GRM4: variants seen among roughly 807,000 people sequenced by gnomAD.
GRM4 encodes metabotropic glutamate receptor 4.
A neutral mutation model predicts 81.7 loss-of-function variants in GRM4; 28 were observed. The ratio of observed to expected loss-of-function variants is 0.34; its 90% CI spans 0.25 to 0.47. The LOEUF is 0.47. GRM4 is among the 20% of genes least tolerant of loss of function. The pLI is 1.00. For missense variants in GRM4, 948 were observed against 1,290.0 expected, an observed-to-expected ratio of 0.73 and a Z score of 4.06; for synonymous variants, 488 against 528.8, an observed-to-expected ratio of 0.92 and a Z score of 1.06.
intron 6 of GRM4, among the ~76,000 whole-genome samples, chr6:34,045,879 C>T (rs1562022866): frequency 6.6e-6 from 1 of 152,186 alleles, no homozygotes; most frequent in Non-Finnish European, 1.5e-5. Context: ...CTAATTGTGT[C>T]CCGGGGCACA....
At chr6:34,026,116 C>T (rs1229307320) in intron 10 of GRM4, among the ~76,000 whole-genome samples, 1 of 152,098 alleles carries the variant, frequency 6.6e-6, no homozygotes, top group Admixed American at 6.5e-5. Context: ...CACCCCTTGT[C>T]TCCGCACCCA....
rs918587558 is a variant in GRM4, at chr6:34,070,403, G to C, written c.737-8375C>G. Among the ~76,000 whole-genome samples, 1 of 152,102 alleles carries C rather than the reference G, an allele frequency of 6.6e-6. No individual in the cohort carries two copies. Among genetic ancestry groups the C allele is most frequent in the Non-Finnish European group, 1.5e-5 (1 of 68,008 alleles). On this transcript the variant is annotated intron_variant, in intron 3 of 10. Coordinates refer to ENST00000538487, the MANE Select transcript of GRM4 (RefSeq NM_000841.4). The surrounding 1 kb of genome is among the most constrained non-coding windows in gnomAD (Gnocchi z 4.6). ...AAATCGGCCTGCAAAGGATGAGCAA[G>C]TGAAGAAAGGTGCATGCTGGCTGTG... is the stretch of plus-strand genomic sequence containing the variant.
rs560308325 is a variant in GRM4 at position 34,123,619 on chromosome 6, C to A, written c.519+9359G>T. Among the ~76,000 whole-genome samples the A allele has an allele frequency of 4.6e-5, 7 of 152,336 alleles. No homozygotes were observed. The East Asian group carries it at 1.4e-3, about 29-fold the overall frequency. ...TCCAGAGCTGGTACTTTGTTCCACA[C>A]TCCACGGTCTACACGCCAGGCACTG... is the stretch of plus-strand genomic sequence containing the variant. On this transcript the variant is annotated intron_variant, in intron 2 of 10. Coordinates refer to ENST00000538487, the MANE Select transcript of GRM4 (RefSeq NM_000841.4).
chr6:34,129,176 G>A (rs572303089), intron 2 of GRM4, among the ~76,000 whole-genome samples: 26 of 151,980 alleles, frequency 1.7e-4, no homozygotes, highest in African/African-American at 6.0e-4. Flanking sequence ...CACCACACCT[G>A]GCTAATTTTT....
chr6:34,135,011 T>TG (rs1219091183), intron 1 of GRM4, among the ~76,000 whole-genome samples: 1 of 150,674 alleles, frequency 6.6e-6, no homozygotes, highest in East Asian at 1.9e-4. Flanking sequence ...AGGGCTTGGC[T>TG]GGGGGCCAAA....
chr6:34,153,185 C>G (rs968299301), intron 1 of GRM4, among the ~76,000 whole-genome samples: 3 of 152,206 alleles, frequency 2.0e-5, no homozygotes, highest in Non-Finnish European at 2.9e-5. Context: ...ACACCCAGCT[C>G]ATCCCTATAT....
rs1766669018 is a variant in GRM4, at chr6:34,069,301, C to T, written c.737-7273G>A. Among the ~76,000 whole-genome samples, 1 of 152,164 alleles carries T rather than the reference C, an allele frequency of 6.6e-6. No homozygotes were observed. The highest frequency in any genetic ancestry group is 6.5e-5 in the Admixed American group (1 of 15,284). On this transcript the variant is annotated intron_variant, in intron 3 of 10. Transcript: ENST00000538487. The surrounding 1 kb of genome is among the most constrained non-coding windows in gnomAD (Gnocchi z 6.4). ...GGACCAGAAATAGCTGCTCAGAGGG[C>T]TTGGTGACTGGTGACTGCTACTTTT...
chr6:34,137,072 G>A lies in GRM4; in HGVS notation c.-363-3213C>T, dbSNP rs918343538. 2.0e-5 allele frequency among the ~76,000 whole-genome samples: 3 copies of A among 152,106 alleles called. No homozygotes were observed. The East Asian group carries it at 5.8e-4, about 29-fold the overall frequency. On this transcript the variant is annotated intron_variant, in intron 1 of 10. Coordinates refer to ENST00000538487, the MANE Select transcript of GRM4 (RefSeq NM_000841.4). ...TTGCCCAGTTTTCAGACACTCCCCC[G>A]CCAATTCCAAAATAGCCAGGAGAGC...
At chr6:34,050,442 C>T (rs1765561751) in intron 6 of GRM4, among the ~76,000 whole-genome samples, 1 of 152,118 alleles carries the variant, frequency 6.6e-6, no homozygotes, top group East Asian at 1.9e-4. Context: ...CTATTAGTTA[C>T]AAGATTTGAT....
chr6:34,073,418 CCACA>C (rs540796389), intron 3 of GRM4, among the ~76,000 whole-genome samples: 12 of 146,498 alleles, frequency 8.2e-5, no homozygotes, highest in Admixed American at 2.0e-4. Flanking sequence ...CACATACACA[CCACA>C]CACACACACA....
chr6:34,116,361 A>G (rs34555699), intron 2 of GRM4, among the ~76,000 whole-genome samples: 15,519 of 152,216 alleles, frequency 0.1, 1,659 homozygotes, highest in African/African-American at 0.27. Context: ...CCTAGCACAC[A>G]CCAGGCACAT....
intron 3 of GRM4, among the ~76,000 whole-genome samples, chr6:34,087,641 G>T (rs528080485): frequency 1.7e-3 from 258 of 151,590 alleles, no homozygotes; most frequent in African/African-American, 5.8e-3. Flanking sequence ...CCTTGACAGG[G>T]AGGAAGAAGT....
chr6:34,021,246 GCACACAGA>G lies in GRM4; in HGVS notation c.*1567_*1574del, dbSNP rs1357491588. On this transcript the variant is annotated 3_prime_UTR_variant, in exon 11 of 11. Transcript: ENST00000538487. This position sits in a 1 kb window ranked among gnomAD's most constrained non-coding sequence, Gnocchi z 5.3. ...GCATGCGCATGGAGGCGCTGGACGT[GCACACAGA>G]CACACAGCCAACACAGCCAACACAG... 1 of 152,492 alleles carries G rather than the reference GCACACAGA, an allele frequency of 6.6e-6. No homozygotes were observed. The highest frequency in any genetic ancestry group is 2.4e-5 in the African/African-American group (1 of 41,470). The allele number at this position is 152,492 out of a possible 1,614,324, so 9.4% of individuals were successfully genotyped here.
rs767502907 is a variant in GRM4, at chr6:34,036,578, C to T, written c.1532G>A (p.Ser511Asn). The change falls in exon 9 of 11, where the codon AGC becomes AAC. Residue 511 changes from serine (S) to asparagine (N), a missense_variant. Transcript: ENST00000538487. The surrounding 1 kb of genome is among the most constrained non-coding windows in gnomAD (Gnocchi z 9.0). Reference protein sequence around the residue: ...LRIERMHWPGSGQQLPRSICS... With the variant: ...LRIERMHWPGNGQQLPRSICS... ...GATGGAGCGGGGCAGCTGCTGCCCG[C>T]TCCCCGGCCAGTGCATCCGCTCTAT... 2.5e-6 allele frequency: 4 copies of T among 1,587,246 alleles called. No homozygotes were observed. The highest frequency in any genetic ancestry group is 1.8e-4 in the Middle Eastern group (1 of 5,594).
Position 34,114,583 on chromosome 6 carries a change from C to T in GRM4, c.519+18395G>A, listed in dbSNP as rs1219518572. On this transcript the variant is annotated intron_variant, in intron 2 of 10. Transcript: ENST00000538487. This position sits in a 1 kb window ranked among gnomAD's most constrained non-coding sequence, Gnocchi z 4.3. The stretch of plus-strand genomic sequence containing the variant: ...ATTTCCTCCAGCCCCTCTCCACTCA[C>T]CCTCTGCCCAACCCTCCTGCATGCC... 2.0e-5 allele frequency among the ~76,000 whole-genome samples: 3 copies of T among 152,062 alleles called. No homozygotes were observed. The highest frequency in any genetic ancestry group is 7.3e-5 in the African/African-American group (3 of 41,370).
chr6:34,098,980 C>G (rs912197622), intron 2 of GRM4, among the ~76,000 whole-genome samples: 1 of 152,138 alleles, frequency 6.6e-6, no homozygotes, highest in Non-Finnish European at 1.5e-5. Flanking sequence ...CTGCACCTCC[C>G]CAGGGCTCCC....
intron 3 of GRM4, among the ~76,000 whole-genome samples, chr6:34,067,389 C>CCTCG (rs1268543890): frequency 1.4e-5 from 2 of 142,304 alleles, no homozygotes; most frequent in African/African-American, 5.5e-5. Context: ...TCCGTCCTTC[C>CCTCG]CTCCCTCCCT....
At chr6:34,124,335 G>A (rs907482248) in intron 2 of GRM4, among the ~76,000 whole-genome samples, 6 of 152,152 alleles carry the variant, frequency 3.9e-5, no homozygotes, top group African/African-American at 1.4e-4. Context: ...ACAAAAGTCC[G>A]CTCTGAACAA....
At chr6:34,024,855 C>T (rs1016574966) in intron 10 of GRM4, 3 of 438,224 alleles carry the variant, frequency 6.8e-6, no homozygotes, top group Middle Eastern at 6.7e-4. Context: ...AATAAGAACA[C>T]AGCATGGCAC....
Sources: allele counts gnomAD v4.1 joint callset (sites outside exome capture counted in the v4.1 genomes callset), GRCh38; gene constraint gnomAD v4.1.1; non-coding constraint Gnocchi (gnomAD v3.1); transcripts MANE v1.5; gene names NCBI Gene and HGNC (gene_info 2026-07-23, HGNC 2026-07-21).